The following MCMBP variants were observed in gnomAD, a reference collection of about 807,000 sequenced individuals.
MCMBP encodes mini-chromosome maintenance complex-binding protein.
MCMBP carries 31 observed loss-of-function variants against 81.3 expected under a neutral mutation model. That is an observed-to-expected ratio of 0.38 (90% CI 0.29 to 0.51). MCMBP has a LOEUF of 0.51. MCMBP is among the 20% of genes least tolerant of loss of function. MCMBP has a pLI of 0.87. For missense variants in MCMBP, 645 were observed against 772.1 expected, an observed-to-expected ratio of 0.84 and a Z score of 1.95; for synonymous variants, 267 against 275.9, an observed-to-expected ratio of 0.97 and a Z score of 0.32.
At position 119,831,678 on chromosome 10, in the gene MCMBP, A is replaced by G. The variant is rs1852042052; in HGVS notation, c.1797-78T>C. On this transcript the variant is annotated intron_variant, in intron 15 of 15. Transcript: ENST00000369077. ...TAAATTTTTTTTAAGACCTAGGAAT[A>G]CTTTGTGAAAACACAGAGCACGTTA... The G allele has an allele frequency of 4.6e-6, 7 of 1,523,302 alleles. No homozygotes were observed. The South Asian group carries it at 6.1e-5, about 13-fold the overall frequency. 94.4% of individuals were successfully genotyped at this position (1,523,302 alleles called of 1,614,324 possible).
Position 119,872,507 on chromosome 10 carries a change from C to T in MCMBP, c.58+20G>A. On this transcript the variant is annotated intron_variant, in intron 1 of 15. Coordinates refer to ENST00000369077, the MANE Select transcript of MCMBP (RefSeq NM_001256378.2). ...AAACTCGGCTGCCCGCCCGGCCCGC[C>T]CCCCGGCGCCGCCACTCACCGAAGA... is the stretch of plus-strand genomic sequence containing the variant. 1 of 1,187,120 alleles carries T rather than the reference C, an allele frequency of 8.4e-7. No homozygotes were observed. Among genetic ancestry groups the T allele is most frequent in the Non-Finnish European group, 1.0e-6 (1 of 953,150 alleles). The allele number at this position is 1,187,120 out of a possible 1,614,324, so 73.5% of individuals were successfully genotyped here.
intron 1 of MCMBP, among the ~76,000 whole-genome samples, chr10:119,871,432 C>G (rs1428266718): frequency 6.6e-6 from 1 of 151,784 alleles, no homozygotes; most frequent in Non-Finnish European, 1.5e-5. Context: ...TCTATCCAGG[C>G]TTTTTTCTAA....
At chr10:119,839,815 T>C (rs1226465553) in intron 11 of MCMBP, among the ~76,000 whole-genome samples, 2 of 152,230 alleles carry the variant, frequency 1.3e-5, no homozygotes, top group Non-Finnish European at 2.9e-5. Context: ...CACCCAGTTA[T>C]CTGCAAAGGC....
intron 5 of MCMBP, among the ~76,000 whole-genome samples, chr10:119,854,201 C>T (rs906937591): frequency 4.0e-5 from 6 of 151,816 alleles, no homozygotes; most frequent in African/African-American, 1.5e-4. Flanking sequence ...ACCACCAAGC[C>T]CGGCTAGTTT....
chr10:119,848,767 T>G (rs1427085274), intron 7 of MCMBP, among the ~76,000 whole-genome samples: 1 of 152,230 alleles, frequency 6.6e-6, no homozygotes, highest in Non-Finnish European at 1.5e-5. Flanking sequence ...AACAAACTAT[T>G]AAAAGTTTTC....
At chr10:119,849,178 C>A (rs1403801986) in intron 7 of MCMBP, among the ~76,000 whole-genome samples, 1 of 152,186 alleles carries the variant, frequency 6.6e-6, no homozygotes, top group Non-Finnish European at 1.5e-5. Flanking sequence ...CAAGGAAATT[C>A]TCCCTTAGGG....
At chr10:119,848,519 A>T (rs1438508952) in intron 7 of MCMBP, among the ~76,000 whole-genome samples, 1 of 152,154 alleles carries the variant, frequency 6.6e-6, no homozygotes, top group Admixed American at 6.5e-5. Flanking sequence ...AGGCTGAGGC[A>T]CGAGAATTGC....
At chr10:119,857,256 C>T in intron 5 of MCMBP, 82 bp downstream of exon 5, 2 of 1,004,182 alleles carry the variant, frequency 2.0e-6, no homozygotes, top group Non-Finnish European at 3.0e-6. Flanking sequence ...TAAAATAAAG[C>T]CAAGCTTTGC....
intron 5 of MCMBP, 107 bp from the exon 6 acceptor site, chr10:119,853,301 T>C: frequency 8.5e-7 from 1 of 1,177,034 alleles, no homozygotes; most frequent in Non-Finnish European, 1.2e-6. Flanking sequence ...TCAGTTAAAA[T>C]AGAATGCATT....
At chr10:119,838,103 C>T (rs997767562) in intron 12 of MCMBP, among the ~76,000 whole-genome samples, 2 of 151,782 alleles carry the variant, frequency 1.3e-5, no homozygotes, top group Non-Finnish European at 2.9e-5. Context: ...TCCAACCATT[C>T]GCTGACACAA....
chr10:119,853,025 G>A, intron 6 of MCMBP, 25 bp downstream of exon 6: 1 of 1,613,072 alleles, frequency 6.2e-7, no homozygotes, highest in Non-Finnish European at 8.5e-7. Flanking sequence ...GCAAAGTCTA[G>A]AGAAAACCTG....
intron 4 of MCMBP, 197 bp from the exon 5 acceptor site, chr10:119,857,636 C>T (rs1253775803): frequency 7.2e-6 from 3 of 417,068 alleles, no homozygotes; most frequent in African/African-American, 2.0e-5. Context: ...TCATCAAACA[C>T]TTCCTCCCTC....
intron 8 of MCMBP, among the ~76,000 whole-genome samples, chr10:119,844,872 T>C (rs1467942505): frequency 6.6e-6 from 1 of 152,194 alleles, no homozygotes; most frequent in East Asian, 1.9e-4. Context: ...CCTACACCAG[T>C]GGTTCACCAG....
At chr10:119,861,723 T>C (rs966967839) in intron 1 of MCMBP, among the ~76,000 whole-genome samples, 5 of 152,158 alleles carry the variant, frequency 3.3e-5, no homozygotes, top group East Asian at 3.9e-4. Context: ...TCTAAGTTAC[T>C]TGAATGTATA....
Position 119,837,024 on chromosome 10 carries a change from G to A in MCMBP, c.1414C>T (p.His472Tyr). ...AGGTTGCTCAGGGCTGTCACATTATGAACACCTACAAAGGCAGGAAAACAC... is the reference window on the plus strand; with the variant it reads ...AGGTTGCTCAGGGCTGTCACATTATAAACACCTACAAAGGCAGGAAAACAC... ...EQGQLDTPGV[H>Y]NVTALSNLIT... is the part of the protein sequence containing the mutation. Residue 472 changes from histidine (H) to tyrosine (Y), a missense_variant, in exon 13 of 16, where the codon CAT becomes TAT. Transcript: ENST00000369077. The A allele has an allele frequency of 1.2e-6, 2 of 1,612,526 alleles. No individual in the cohort carries two copies. The highest frequency in any genetic ancestry group is 1.7e-6 in the Non-Finnish European group (2 of 1,179,396).
In MCMBP at chr10:119,849,491, G is replaced by C. The variant is rs1362542124; in HGVS notation, c.660C>G (p.Asn220Lys). ...ASTGQQLNSL[N>K]LSSPFDLNFP... ...AATTCAAATCAAAAGGAGAAGACAAGTTCAGAGAGTTCAGCTGTTGCCCAG... is the reference window on the plus strand; with the variant it reads ...AATTCAAATCAAAAGGAGAAGACAACTTCAGAGAGTTCAGCTGTTGCCCAG... Residue 220 changes from asparagine (N) to lysine (K), a missense_variant, in exon 7 of 16, where the codon AAC becomes AAG. Physicochemically the swap from Asn to Lys is moderately conservative, Grantham distance 94. Transcript: ENST00000369077. 1 of 1,611,472 alleles carries C rather than the reference G, an allele frequency of 6.2e-7. No homozygotes were observed. Among genetic ancestry groups the C allele is most frequent in the Non-Finnish European group, 8.5e-7 (1 of 1,179,206 alleles).
chr10:119,831,468 AC>A lies in MCMBP; in HGVS notation c.*5del. 1 of 1,613,810 alleles carries A rather than the reference AC, an allele frequency of 6.2e-7. No homozygotes were observed. The highest frequency in any genetic ancestry group is 8.5e-7 in the Non-Finnish European group (1 of 1,179,814). ...TTGCCCATTACTCTTCATAGGTATT[AC>A]ATCTTTAAAGTTCATTTCCATTCAC... On this transcript the variant is annotated 3_prime_UTR_variant, in exon 16 of 16. Coordinates refer to ENST00000369077, the MANE Select transcript of MCMBP (RefSeq NM_001256378.2).
chr10:119,860,719 G>A (rs578030156), intron 1 of MCMBP, among the ~76,000 whole-genome samples: 1 of 152,162 alleles, frequency 6.6e-6, no homozygotes, highest in Non-Finnish European at 1.5e-5. Context: ...TATTTAAGAA[G>A]AATAAGGTCC....
intron 5 of MCMBP, among the ~76,000 whole-genome samples, chr10:119,855,840 ACT>A (rs1853020229): frequency 6.6e-6 from 1 of 152,134 alleles, no homozygotes; most frequent in African/African-American, 2.4e-5. Flanking sequence ...AAAAGAAAAT[ACT>A]CTGACAAGTT....
Sources: gnomAD v4.1 joint callset for allele counts (sites outside exome capture counted in the v4.1 genomes callset) on GRCh38, gnomAD v4.1.1 for gene constraint, MANE v1.5 for transcripts, NCBI Gene and HGNC (gene_info 2026-07-23, HGNC 2026-07-21) for gene names.